STPG2: variants seen among roughly 807,000 people sequenced by gnomAD.
STPG2 encodes the protein sperm-tail PG-rich repeat-containing protein 2.
Under a neutral mutation model 54.2 loss-of-function variants are expected in STPG2, and 56 were observed. The observed-to-expected ratio is 1.03, with a 90% CI of 0.83 to 1.29. The LOEUF (loss-of-function observed/expected upper bound fraction) is 1.29, where lower values mean the gene tolerates loss of function less well. Among genes scored for constraint, STPG2 ranks in the 50% most tolerant of loss-of-function variants. The probability of loss-of-function intolerance (pLI) is 0.00; values close to 1 mark genes in which losing one functional copy is unlikely to be tolerated. For synonymous variants in STPG2, 200 were observed against 181.8 expected (o/e 1.10, Z -0.81); for missense variants, 596 against 544.9 (o/e 1.09, Z -0.93).
At chr4:98,077,560 A>C (rs541990288) in intron 5 of STPG2, among the ~76,000 whole-genome samples, 1 of 152,322 alleles carries the variant, frequency 6.6e-6, no homozygotes, top group South Asian at 2.1e-4. Context: ...GAGTATAAAA[A>C]GATCCTGAAG....
At chr4:98,033,269 G>C (rs1048516358) in intron 5 of STPG2, among the ~76,000 whole-genome samples, 3 of 151,746 alleles carry the variant, frequency 2.0e-5, no homozygotes, top group Admixed American at 1.3e-4. Context: ...TAATAAAGGG[G>C]ATATCACCAC....
At chr4:97,657,236 G>C (rs1039445273) in intron 10 of STPG2, among the ~76,000 whole-genome samples, 5 of 152,024 alleles carry the variant, frequency 3.3e-5, no homozygotes, top group African/African-American at 9.7e-5. Context: ...CCAAAAAAAA[G>C]TTGAGTTGCT....
At chr4:98,063,418 C>T (rs1209536459) in intron 5 of STPG2, among the ~76,000 whole-genome samples, 2 of 151,774 alleles carry the variant, frequency 1.3e-5, no homozygotes, top group East Asian at 1.9e-4. Flanking sequence ...CGCTGCACTC[C>T]AGCCTGGTGA....
intron 5 of STPG2, among the ~76,000 whole-genome samples, chr4:98,075,777 A>T (rs1167487781): frequency 6.6e-6 from 1 of 152,200 alleles, no homozygotes; most frequent in Non-Finnish European, 1.5e-5. Flanking sequence ...CATAATAATA[A>T]AATGCAGCTT....
At chr4:97,694,609 TC>T (rs1410217584) in intron 10 of STPG2, among the ~76,000 whole-genome samples, 1 of 150,872 alleles carries the variant, frequency 6.6e-6, no homozygotes, top group African/African-American at 2.4e-5. Context: ...GAGATCGATA[TC>T]ATCCTAGTTA....
chr4:97,902,664 T>G (rs1216827554), intron 8 of STPG2, among the ~76,000 whole-genome samples: 2 of 152,070 alleles, frequency 1.3e-5, no homozygotes. Context: ...GCTGAGGATG[T>G]GTAGAAAAGA....
chr4:97,517,123 G>T lies in STPG2; in HGVS notation c.462+195576C>A, dbSNP rs181769399. On this transcript the variant is annotated intron_variant, in intron 4 of 4. Coordinates refer to the STPG2 transcript ENST00000522676. ...ACGTTTCACCATGTTGGCCAGAATG[G>T]TCTTGAACTCCTGACCTCAAGTGAT... Among the ~76,000 whole-genome samples the T allele has an allele frequency of 2.6e-3, 397 of 151,992 alleles. 2 individuals carry two copies. The highest frequency in any genetic ancestry group is 8.9e-3 in the African/African-American group (371 of 41,490).
chr4:97,850,308 A>AAATT (rs1729112304), intron 8 of STPG2, among the ~76,000 whole-genome samples: 1 of 131,962 alleles, frequency 7.6e-6, no homozygotes, highest in Non-Finnish European at 1.7e-5. Flanking sequence ...AAAAATAAAT[A>AAATT]AATAAATAAA....
intron 10 of STPG2, among the ~76,000 whole-genome samples, chr4:97,576,694 A>T (rs1732732425): frequency 6.6e-6 from 1 of 152,090 alleles, no homozygotes; most frequent in African/African-American, 2.4e-5. Flanking sequence ...TTGACAAAGA[A>T]TTTATCATTA....
chr4:97,452,952 T>C (rs949382742), intron 4 of STPG2, among the ~76,000 whole-genome samples: 7 of 152,226 alleles, frequency 4.6e-5, no homozygotes, highest in African/African-American at 1.7e-4. Flanking sequence ...CACTTGTCTG[T>C]GTACCTCATT....
At chr4:97,594,989 T>G (rs562401003) in intron 10 of STPG2, among the ~76,000 whole-genome samples, 7 of 152,290 alleles carry the variant, frequency 4.6e-5, no homozygotes, top group East Asian at 1.9e-4. Context: ...GGAACACTTT[T>G]ACACTGTTGG....
chr4:97,933,873 T>TA (rs1732644854), intron 8 of STPG2, among the ~76,000 whole-genome samples: 1 of 152,198 alleles, frequency 6.6e-6, no homozygotes, highest in Non-Finnish European at 1.5e-5. Flanking sequence ...ATATGAAGTT[T>TA]AAAGTAGTTT....
chr4:97,891,666 G>A (rs546096224), intron 8 of STPG2, among the ~76,000 whole-genome samples: 1 of 151,732 alleles, frequency 6.6e-6, no homozygotes, highest in African/African-American at 2.4e-5. Flanking sequence ...TTTCCTACAA[G>A]TAGAAAAAAA....
chr4:97,887,576 C>A (rs778901624), intron 8 of STPG2, among the ~76,000 whole-genome samples: 15 of 152,110 alleles, frequency 9.9e-5, no homozygotes, highest in Non-Finnish European at 1.8e-4. Context: ...TACTCATATA[C>A]ATGAGGAAAT....
At chr4:97,540,665 A>C (rs1731675196) in intron 4 of STPG2, among the ~76,000 whole-genome samples, 1 of 152,044 alleles carries the variant, frequency 6.6e-6, no homozygotes, top group Non-Finnish European at 1.5e-5. Flanking sequence ...GAGACACAAC[A>C]AAAACAGAGA....
At position 97,654,128 on chromosome 4, in the gene STPG2, G is replaced by A. The variant is rs540518901; in HGVS notation, c.1320+58571C>T. ...ATCTTTAAGGAAAGAGATGCTGAAA[G>A]TTGGCTGGAACTCAATAAAATGGTA... On this transcript the variant is annotated intron_variant, in intron 10 of 10. Coordinates refer to ENST00000295268, the MANE Select transcript of STPG2 (RefSeq NM_174952.3). Among the ~76,000 whole-genome samples the A allele has an allele frequency of 4.1e-3, 629 of 152,236 alleles. 3 individuals are homozygous for A. Among genetic ancestry groups the A allele is most frequent in the South Asian group, 0.02 (97 of 4,830 alleles).
chr4:97,651,746 C>G (rs1465340658), intron 10 of STPG2, among the ~76,000 whole-genome samples: 1 of 151,626 alleles, frequency 6.6e-6, no homozygotes, highest in Non-Finnish European at 1.5e-5. Context: ...TAGTTAAGAG[C>G]AAACTGATGA....
At chr4:97,716,707 G>A (rs999060269) in intron 9 of STPG2, among the ~76,000 whole-genome samples, 1 of 151,490 alleles carries the variant, frequency 6.6e-6, no homozygotes, top group African/African-American at 2.4e-5. Context: ...GGGGGTGGGG[G>A]GTGGAAGGCT....
chr4:98,141,462 G>A (rs1460756406), intron 1 of STPG2, among the ~76,000 whole-genome samples: 1 of 152,078 alleles, frequency 6.6e-6, no homozygotes, highest in Non-Finnish European at 1.5e-5. Flanking sequence ...ACAAAACTTG[G>A]TCTCCACAAT....
Sources: allele counts gnomAD v4.1 joint callset (sites outside exome capture counted in the v4.1 genomes callset), GRCh38; gene constraint gnomAD v4.1.1; transcripts MANE v1.5; gene names NCBI Gene and HGNC (gene_info 2026-07-23, HGNC 2026-07-21).